Variants in SLC25A21 observed in about 807,000 individuals in gnomAD.
SLC25A21 encodes mitochondrial 2-oxodicarboxylate carrier.
SLC25A21 carries 47 observed loss-of-function variants against 43.8 expected under a neutral mutation model. The observed-to-expected ratio is 1.07, with a 90% CI of 0.85 to 1.37. The LOEUF is 1.37. Ranked by LOEUF, SLC25A21 falls within the 40% of genes most tolerant of loss-of-function variation. The probability of loss-of-function intolerance (pLI) is 0.00; values close to 1 mark genes in which losing one functional copy is unlikely to be tolerated. For synonymous variants in SLC25A21, 131 were observed against 121.3 expected (o/e 1.08, Z -0.52); for missense variants, 352 against 350.2 (o/e 1.00, Z -0.04).
At chr14:36,752,035 G>A (rs2139261232) in intron 3 of SLC25A21, among the ~76,000 whole-genome samples, 1 of 152,316 alleles carries the variant, frequency 6.6e-6, no homozygotes, top group East Asian at 1.9e-4. Flanking sequence ...GGATAGAGCA[G>A]TGAACAAGTC....
At chr14:36,934,061 G>GA (rs558458796) in intron 1 of SLC25A21, among the ~76,000 whole-genome samples, 196 of 152,100 alleles carry the variant, frequency 1.3e-3, no homozygotes, top group Admixed American at 2.3e-3. Context: ...TGATTAATTA[G>GA]AAAAAAATAT....
At chr14:36,795,901 G>T (rs965425478) in intron 3 of SLC25A21, among the ~76,000 whole-genome samples, 3 of 152,138 alleles carry the variant, frequency 2.0e-5, no homozygotes, top group African/African-American at 7.2e-5. Flanking sequence ...GAGGATTGCG[G>T]GTAGAGGAAG....
At chr14:36,780,411 G>A (rs1039837730) in intron 3 of SLC25A21, among the ~76,000 whole-genome samples, 1 of 151,850 alleles carries the variant, frequency 6.6e-6, no homozygotes, top group Admixed American at 6.6e-5. Context: ...AGTTCCATGA[G>A]ACATGAAGTT....
chr14:37,164,116 A>G (rs558655045), intron 1 of SLC25A21, among the ~76,000 whole-genome samples: 1 of 152,208 alleles, frequency 6.6e-6, no homozygotes, highest in East Asian at 1.9e-4. Context: ...ATATAGCCAC[A>G]TATTAAGGGT....
rs189527248 is a variant in SLC25A21 at position 36,678,479 on chromosome 14, C to T, written c.*2179G>A. On this transcript the variant is annotated 3_prime_UTR_variant, in exon 10 of 10. Transcript: ENST00000331299. Reference sequence around the variant, plus strand: ...AAAACTTCCATTGACATCTGGAGTTCCCAGTCTGGTGAGAAAATAGACTAT... The same window carrying T: ...AAAACTTCCATTGACATCTGGAGTTTCCAGTCTGGTGAGAAAATAGACTAT... 32 of 1,536,376 alleles carry T rather than the reference C, an allele frequency of 2.1e-5. No homozygotes were observed. The highest frequency in any genetic ancestry group is 8.2e-5 in the African/African-American group (6 of 73,122).
intron 3 of SLC25A21, among the ~76,000 whole-genome samples, chr14:36,741,808 A>G (rs946087127): frequency 4.6e-5 from 7 of 152,214 alleles, no homozygotes; most frequent in African/African-American, 1.7e-4. Context: ...ATGAAATAGG[A>G]GCGACAGGGA....
intron 1 of SLC25A21, among the ~76,000 whole-genome samples, chr14:36,902,048 A>G (rs1891411539): frequency 6.6e-6 from 1 of 152,234 alleles, no homozygotes; most frequent in South Asian, 2.1e-4. Flanking sequence ...AGTTTTCCAC[A>G]TAAAAATATG....
intron 2 of SLC25A21, among the ~76,000 whole-genome samples, chr14:36,861,633 C>G (rs1327920030): frequency 6.6e-6 from 1 of 152,210 alleles, no homozygotes; most frequent in Non-Finnish European, 1.5e-5. Context: ...AGCAAACACT[C>G]TGGATAAAGA....
intron 7 of SLC25A21, among the ~76,000 whole-genome samples, chr14:36,706,274 C>T (rs965187198): frequency 1.3e-5 from 2 of 152,226 alleles, no homozygotes; most frequent in Non-Finnish European, 2.9e-5. Context: ...TTAACATTCA[C>T]AAATTACTTT....
intron 1 of SLC25A21, among the ~76,000 whole-genome samples, chr14:37,006,372 C>T (rs998665318): frequency 1.3e-5 from 2 of 151,936 alleles, no homozygotes; most frequent in African/African-American, 4.8e-5. Flanking sequence ...GTCCTATTTT[C>T]CTCTCTTTGC....
chr14:36,931,651 A>C (rs1219194168), intron 1 of SLC25A21, among the ~76,000 whole-genome samples: 2 of 152,162 alleles, frequency 1.3e-5, no homozygotes, highest in Admixed American at 1.3e-4. Flanking sequence ...TAGAGGACTT[A>C]AATGGAGAAC....
At chr14:37,127,842 G>C (rs1255693353) in intron 1 of SLC25A21, among the ~76,000 whole-genome samples, 1 of 152,132 alleles carries the variant, frequency 6.6e-6, no homozygotes, top group Non-Finnish European at 1.5e-5. Context: ...AATTAGTTTG[G>C]TAAGATGGAA....
intron 3 of SLC25A21, among the ~76,000 whole-genome samples, chr14:36,761,645 C>T (rs544827929): frequency 6.6e-6 from 1 of 152,268 alleles, no homozygotes; most frequent in African/African-American, 2.4e-5. Context: ...GTCTCTTGAT[C>T]TTAGGATATA....
chr14:36,952,766 A>T (rs1566765667), intron 1 of SLC25A21, among the ~76,000 whole-genome samples: 1 of 152,212 alleles, frequency 6.6e-6, no homozygotes, highest in Non-Finnish European at 1.5e-5. Context: ...CCCAAATACA[A>T]GGGTCCCATT....
At chr14:37,060,261 C>A (rs1036686700) in intron 1 of SLC25A21, among the ~76,000 whole-genome samples, 1 of 151,890 alleles carries the variant, frequency 6.6e-6, no homozygotes, top group Non-Finnish European at 1.5e-5. Context: ...CATGCTGACA[C>A]TGTGATCTCA....
chr14:36,989,654 T>G (rs1218264069), intron 1 of SLC25A21, among the ~76,000 whole-genome samples: 3 of 152,074 alleles, frequency 2.0e-5, no homozygotes, highest in Non-Finnish European at 4.4e-5. Context: ...GCCTGGCTGG[T>G]TTTTACTCAT....
chr14:36,874,900 GATCTTA>G (rs1890474371), intron 2 of SLC25A21, 50 bp downstream of exon 2: 1 of 1,469,178 alleles, frequency 6.8e-7, no homozygotes, highest in Admixed American at 1.8e-5. Context: ...TGCTCTGACA[GATCTTA>G]ATTTGGATAT....
intron 1 of SLC25A21, among the ~76,000 whole-genome samples, chr14:37,169,112 C>T (rs1964078909): frequency 6.6e-6 from 1 of 152,150 alleles, no homozygotes; most frequent in Admixed American, 6.5e-5. Context: ...TCCTTAACAG[C>T]AGAGTGACCC....
chr14:36,830,561 C>T (rs1889001699), intron 2 of SLC25A21, among the ~76,000 whole-genome samples: 1 of 151,922 alleles, frequency 6.6e-6, no homozygotes, highest in Admixed American at 6.6e-5. Context: ...GGGTACTAGA[C>T]ATCAATCATA....
Sources: gnomAD v4.1 joint callset for allele counts (sites outside exome capture counted in the v4.1 genomes callset) on GRCh38, gnomAD v4.1.1 for gene constraint, MANE v1.5 for transcripts, NCBI Gene and HGNC (gene_info 2026-07-23, HGNC 2026-07-21) for gene names.